NAV2: variants seen among roughly 807,000 people sequenced by gnomAD.
NAV2 encodes helicase, APC down-regulated 1.
In NAV2, 54 loss-of-function variants were observed where a neutral mutation model predicts 223.2. That is an observed-to-expected ratio of 0.24 (90% CI 0.19 to 0.30). The LOEUF (loss-of-function observed/expected upper bound fraction) is 0.30, where lower values mean the gene tolerates loss of function less well. NAV2 is among the 10% of genes least tolerant of loss of function. The pLI is 1.00. For synonymous variants in NAV2, 1,279 were observed against 1,239.3 expected (o/e 1.03, Z -0.67); for missense variants, 2,806 against 3,147.5 (o/e 0.89, Z 2.60).
chr11:19,619,187 T>C (rs1307224449), intron 1 of NAV2, among the ~76,000 whole-genome samples: 1 of 151,682 alleles, frequency 6.6e-6, no homozygotes, highest in East Asian at 2.0e-4. Flanking sequence ...GTTCCAAGTC[T>C]TTGCTATTGC....
chr11:19,617,707 G>T (rs2046841746), intron 1 of NAV2, among the ~76,000 whole-genome samples: 2 of 152,196 alleles, frequency 1.3e-5, no homozygotes, highest in African/African-American at 4.8e-5. Context: ...GTTGAAACCT[G>T]AATGAAAAGA....
At chr11:20,046,596 T>TCACACACACACACACACACACACA (rs61668060) in intron 14 of NAV2, among the ~76,000 whole-genome samples, 90 of 145,972 alleles carry the variant, frequency 6.2e-4, no homozygotes, top group Non-Finnish European at 1.0e-3. Context: ...CCCCTCCCCA[T>TCACACACACACACACACACACACA]CACACACACA....
At chr11:19,581,258 G>A (rs1344843057) in intron 1 of NAV2, among the ~76,000 whole-genome samples, 1 of 152,226 alleles carries the variant, frequency 6.6e-6, no homozygotes, top group East Asian at 1.9e-4. Context: ...TAAGTTCTTG[G>A]TTTTAATGGC....
At chr11:19,467,018 C>G (rs10741774) in intron 1 of NAV2, among the ~76,000 whole-genome samples, 11,922 of 82,344 alleles carry the variant, frequency 0.14, 596 homozygotes, top group Non-Finnish European at 0.19. Flanking sequence ...CACACACACA[C>G]AGAGAGAGAG....
At chr11:19,596,668 A>G (rs1206240339) in intron 1 of NAV2, among the ~76,000 whole-genome samples, 4 of 152,208 alleles carry the variant, frequency 2.6e-5, no homozygotes, top group African/African-American at 9.6e-5. Context: ...CAAGGGACAC[A>G]GGCAGACAGA....
At chr11:19,447,885 C>A (rs900493394) in intron 1 of NAV2, among the ~76,000 whole-genome samples, 2 of 152,098 alleles carry the variant, frequency 1.3e-5, no homozygotes, top group Non-Finnish European at 2.9e-5. Flanking sequence ...GCACAGGGAC[C>A]CCCGCCTCCA....
intron 1 of NAV2, among the ~76,000 whole-genome samples, chr11:19,524,810 G>A (rs1375310994): frequency 6.6e-6 from 1 of 152,156 alleles, no homozygotes; most frequent in Non-Finnish European, 1.5e-5. Context: ...TCTCTTTCCT[G>A]CTAATTCTTT....
In NAV2 at chr11:20,043,995, G is replaced by T. The variant is rs774336586; in HGVS notation, c.2922G>T (p.Lys974Asn). Residue 974 changes from lysine (K) to asparagine (N), a missense_variant, in exon 13 of 38, where the codon AAG (lysine) becomes AAT (asparagine). By Grantham distance (94) the Lys-to-Asn change is moderately conservative (BLOSUM62 0). Coordinates refer to ENST00000349880, the MANE Select transcript of NAV2 (RefSeq NM_145117.5). Reference protein sequence around the residue: ...KNLDVQTDAEKHSQVERNSLW... With the variant: ...KNLDVQTDAENHSQVERNSLW... ...TCTGTCCACAGACTGATGCTGAGAA[G>T]CACTCACAGGTGGAGAGGAATTCCC... is the stretch of plus-strand genomic sequence containing the variant. The T allele has an allele frequency of 1.2e-6, 2 of 1,613,882 alleles. No individual in the cohort carries two copies. The highest frequency in any genetic ancestry group is 1.7e-6 in the Non-Finnish European group (2 of 1,179,752).
intron 11 of NAV2, among the ~76,000 whole-genome samples, chr11:20,006,702 AT>A (rs941196239): frequency 9.9e-5 from 15 of 152,004 alleles, no homozygotes; most frequent in African/African-American, 3.6e-4. Flanking sequence ...AAATAAATAA[AT>A]TAGCCAGGCA....
intron 5 of NAV2, among the ~76,000 whole-genome samples, chr11:19,890,597 A>G (rs542753446): frequency 6.6e-6 from 1 of 152,372 alleles, no homozygotes; most frequent in South Asian, 2.1e-4. Flanking sequence ...ATCTGTGGGC[A>G]TAATGATTCC....
At chr11:19,737,185 C>G (rs1169500926) in intron 1 of NAV2, among the ~76,000 whole-genome samples, 1 of 152,184 alleles carries the variant, frequency 6.6e-6, no homozygotes, top group Admixed American at 6.5e-5. Flanking sequence ...TCCTGTGGTT[C>G]TGGGTCAGAG....
intron 1 of NAV2, among the ~76,000 whole-genome samples, chr11:19,805,098 G>T (rs1464524934): frequency 6.6e-6 from 1 of 152,158 alleles, no homozygotes; most frequent in Non-Finnish European, 1.5e-5. Flanking sequence ...GGCAGGGGTG[G>T]CCAAAGGAAG....
At chr11:19,469,325 C>T (rs998416116) in intron 1 of NAV2, among the ~76,000 whole-genome samples, 1 of 152,162 alleles carries the variant, frequency 6.6e-6, no homozygotes, top group African/African-American at 2.4e-5. Context: ...CTGTGATCTT[C>T]ACACTTCCCC....
chr11:19,831,235 G>T (rs1472729175), intron 1 of NAV2, among the ~76,000 whole-genome samples: 1 of 108,396 alleles, frequency 9.2e-6, no homozygotes, highest in South Asian at 4.6e-4. Flanking sequence ...GGGGGGGGGG[G>T]GGCGCGATGG....
intron 1 of NAV2, among the ~76,000 whole-genome samples, chr11:19,454,934 G>A (rs1851909812): frequency 6.6e-6 from 1 of 151,574 alleles, no homozygotes; most frequent in African/African-American, 2.4e-5. Context: ...TCTTACTGTG[G>A]GTCTCTGGGC....
At chr11:19,645,521 A>G (rs1014065615) in intron 1 of NAV2, among the ~76,000 whole-genome samples, 1 of 152,096 alleles carries the variant, frequency 6.6e-6, no homozygotes, top group Non-Finnish European at 1.5e-5. Context: ...TCTGCCCAGG[A>G]CCTGGTATAG....
intron 1 of NAV2, among the ~76,000 whole-genome samples, chr11:19,603,298 C>G (rs996471381): frequency 3.9e-5 from 6 of 151,998 alleles, no homozygotes; most frequent in Non-Finnish European, 7.4e-5. Flanking sequence ...TATAAACACC[C>G]ACTATGTGCC....
intron 1 of NAV2, among the ~76,000 whole-genome samples, chr11:19,386,453 G>C (rs1849045100): frequency 6.6e-6 from 1 of 152,154 alleles, no homozygotes; most frequent in African/African-American, 2.4e-5. Context: ...AAACATCCTG[G>C]CATGTAATAG....
intron 24 of NAV2, 151 bp downstream of exon 24, chr11:20,078,255 T>G (rs1418705140): frequency 3.0e-6 from 2 of 666,946 alleles, no homozygotes; most frequent in South Asian, 3.4e-5. Flanking sequence ...GGCAAACACC[T>G]TTAATCAAGT....
Sources: allele counts gnomAD v4.1 joint callset (sites outside exome capture counted in the v4.1 genomes callset), GRCh38; gene constraint gnomAD v4.1.1; transcripts MANE v1.5; gene names NCBI Gene and HGNC (gene_info 2026-07-23, HGNC 2026-07-21).